MAP3K1: variants seen among roughly 807,000 people sequenced by gnomAD.
The protein encoded by MAP3K1 is mitogen-activated protein kinase kinase kinase 1.
MAP3K1 carries 36 observed loss-of-function variants against 144.2 expected under a neutral mutation model. The ratio of observed to expected loss-of-function variants is 0.25; its 90% confidence interval spans 0.19 to 0.33. The LOEUF (loss-of-function observed/expected upper bound fraction) is 0.33, where lower values mean the gene tolerates loss of function less well. Among genes scored for constraint, MAP3K1 ranks in the 10% least tolerant of loss-of-function variants. The pLI is 1.00. For missense variants in MAP3K1, 1,650 were observed against 1,881.9 expected (o/e 0.88, Z 2.28); for synonymous variants, 718 against 688.7 (o/e 1.04, Z -0.67).
intron 1 of MAP3K1, among the ~76,000 whole-genome samples, chr5:56,830,365 C>A (rs887153278): frequency 1.3e-5 from 2 of 152,022 alleles, no homozygotes; most frequent in African/African-American, 4.8e-5. Flanking sequence ...CCCCAAGTTC[C>A]GTCTCTGTTT....
intron 1 of MAP3K1, among the ~76,000 whole-genome samples, chr5:56,843,373 T>C (rs182296995): frequency 9.9e-5 from 15 of 152,280 alleles, no homozygotes; most frequent in Admixed American, 9.8e-4. Flanking sequence ...AACACCACCA[T>C]CAGTGCTGAA....
Position 56,895,350 on chromosome 5 carries a change from CTTTCTT to C in MAP3K1, c.*1674_*1679del, listed in dbSNP as rs1454255865. ...GTATCTCTAAATGTGTTGTACTTGA[CTTTCTT>C]TTTTATTTTGTTTTTTTTTTTTTTT... is the stretch of plus-strand genomic sequence containing the variant. On this transcript the variant is annotated 3_prime_UTR_variant, in exon 20 of 20. Transcript: ENST00000399503. 3 of 205,300 alleles carry C rather than the reference CTTTCTT, an allele frequency of 1.5e-5. No homozygotes were observed. The highest frequency in any genetic ancestry group is 6.9e-5 in the Admixed American group (1 of 14,432). 12.7% of individuals were successfully genotyped at this position (205,300 alleles called of 1,614,324 possible).
rs772388222 is a variant in MAP3K1, at chr5:56,882,414, A to G, written c.3214A>G (p.Lys1072Glu). The G allele has an allele frequency of 8.1e-6, 13 of 1,614,124 alleles. No individual in the cohort carries two copies. The highest frequency in any genetic ancestry group is 1.3e-5 in the African/African-American group (1 of 75,072). Reference protein sequence around the residue: ...PSRPTPGNTSKQGDPSKNSMT... With the variant: ...PSRPTPGNTSEQGDPSKNSMT... ...TAGACCTACCCCAGGTAATACAAGT[A>G]AACAGGGAGATCCCTCAAAAAATAG... Residue 1072 changes from lysine (K) to glutamate (E), a missense_variant, in exon 14 of 20, where the codon AAA becomes GAA. Transcript: ENST00000399503.
At chr5:56,860,044 G>A in intron 3 of MAP3K1, 129 bp downstream of exon 3, 1 of 763,794 alleles carries the variant, frequency 1.3e-6, no homozygotes, top group South Asian at 1.6e-5. Context: ...CCCTGAGGAT[G>A]GGGGGGGTGG....
intron 1 of MAP3K1, among the ~76,000 whole-genome samples, chr5:56,833,756 T>C (rs1359517191): frequency 6.6e-6 from 1 of 152,194 alleles, no homozygotes; most frequent in Non-Finnish European, 1.5e-5. Context: ...AAGAATTAAT[T>C]ATTCTTGGTT....
intron 6 of MAP3K1, among the ~76,000 whole-genome samples, chr5:56,871,395 G>C (rs1477562474): frequency 2.6e-5 from 4 of 152,038 alleles, no homozygotes; most frequent in African/African-American, 9.7e-5. Flanking sequence ...AGAAGTCTAG[G>C]TGAAAGATTG....
At position 56,883,552 on chromosome 5, in the gene MAP3K1, C is replaced by A. The variant is rs2111951229; in HGVS notation, c.3692C>A (p.Thr1231Asn). ...QDTPETLPGH[T>N]KAKQPYREDT... The stretch of plus-strand genomic sequence containing the variant: ...ACACCAGAGACTCTACCAGGACATA[C>A]CAAAGCAAAACAACCGTATAGAGAA... Residue 1231 changes from threonine (T) to asparagine (N), a missense_variant, in exon 15 of 20, where the codon ACC becomes AAC. Physicochemically the swap from Thr to Asn is moderately conservative, Grantham distance 65. This residue lies in a region of MAP3K1 where 841 missense variants were observed against 886.5 expected (regional missense o/e 0.95). Transcript: ENST00000399503. 6.2e-7 allele frequency: 1 copy of A among 1,613,968 alleles called. No individual in the cohort carries two copies. The highest frequency in any genetic ancestry group is 8.5e-7 in the Non-Finnish European group (1 of 1,179,934).
intron 1 of MAP3K1, among the ~76,000 whole-genome samples, chr5:56,847,794 A>AT (rs1400038301): frequency 6.6e-6 from 1 of 152,160 alleles, no homozygotes; most frequent in Non-Finnish European, 1.5e-5. Flanking sequence ...TGCTCATAAT[A>AT]ATGCCCTGGT....
At chr5:56,821,313 A>G (rs567094735) in intron 1 of MAP3K1, among the ~76,000 whole-genome samples, 2 of 152,310 alleles carry the variant, frequency 1.3e-5, no homozygotes, top group South Asian at 4.1e-4. Context: ...GGGAATTGTT[A>G]AAACTCACCA....
At chr5:56,827,409 T>A (rs958873423) in intron 1 of MAP3K1, among the ~76,000 whole-genome samples, 2 of 152,228 alleles carry the variant, frequency 1.3e-5, no homozygotes, top group African/African-American at 4.8e-5. Context: ...GTCACAAATC[T>A]GGGAGCTGTG....
intron 1 of MAP3K1, among the ~76,000 whole-genome samples, chr5:56,834,561 T>G (rs562359456): frequency 1.3e-5 from 2 of 152,090 alleles, no homozygotes; most frequent in African/African-American, 4.8e-5. Flanking sequence ...TACAAAAAAT[T>G]AGCTGGGCAT....
intron 1 of MAP3K1, among the ~76,000 whole-genome samples, chr5:56,832,368 A>G (rs891085918): frequency 7.9e-5 from 12 of 152,198 alleles, no homozygotes; most frequent in Admixed American, 3.3e-4. Flanking sequence ...TCCAGCCTCA[A>G]TCATCCTAGT....
Position 56,881,174 on chromosome 5 carries a change from C to T in MAP3K1, c.2271C>T (p.Arg757=), listed in dbSNP as rs2111939153. 6.2e-7 allele frequency: 1 copy of T among 1,613,710 alleles called. No individual in the cohort carries two copies. Among genetic ancestry groups the T allele is most frequent in the East Asian group, 2.2e-5 (1 of 44,826 alleles). The stretch of plus-strand genomic sequence containing the variant: ...ACAATTGGCAAGAACTTCTTGGCCG[C>T]CTTTGTCTTATAGATAGACTGTTGT... ...ESNNWQELLG[R]LCLIDRLLLE... The change falls in exon 13 of 20, where the codon CGC becomes CGT. Residue 757 remains arginine, a synonymous_variant. Coordinates refer to ENST00000399503, the MANE Select transcript of MAP3K1 (RefSeq NM_005921.2).
At position 56,879,060 on chromosome 5, in the gene MAP3K1, A is replaced by C; in HGVS notation, c.2046A>C (p.Pro682=). The C allele has an allele frequency of 6.2e-7, 1 of 1,613,960 alleles. No homozygotes were observed. The highest frequency in any genetic ancestry group is 8.5e-7 in the Non-Finnish European group (1 of 1,179,854). The change falls in exon 11 of 20, where the codon CCA becomes CCC. Residue 682 remains proline, a synonymous_variant. Transcript: ENST00000399503. ...ERIKLQRLLQ[P]VVDTILVKCA... is the part of the protein sequence containing the mutation. ...TCAAACTTCAGAGACTTCTCCAGCC[A>C]GTTGTAGACACCATCCTAGTCAAAT... is the stretch of plus-strand genomic sequence containing the variant.
intron 11 of MAP3K1, among the ~76,000 whole-genome samples, chr5:56,879,346 C>G (rs1237820978): frequency 6.6e-6 from 1 of 152,172 alleles, no homozygotes; most frequent in Non-Finnish European, 1.5e-5. Context: ...TTGTGATTTA[C>G]TCTCTTTAGT....
At position 56,881,886 on chromosome 5, in the gene MAP3K1, A is replaced by G. The variant is rs137911818; in HGVS notation, c.2686A>G (p.Thr896Ala). 2 of 1,614,172 alleles carry G rather than the reference A, an allele frequency of 1.2e-6. No individual in the cohort carries two copies. The highest frequency in any genetic ancestry group is 1.1e-5 in the South Asian group (1 of 91,084). ...ATCTGTTCCCAACAACTATCTGGAA[A>G]CCACAGAGAACAGTTCCCCTGAGTG... ...QASVPNNYLE[T>A]TENSSPECTV... Residue 896 changes from threonine (T) to alanine (A), a missense_variant, in exon 14 of 20, where the codon ACC becomes GCC. Thr to Ala is a moderately conservative substitution (Grantham distance 58). Around this residue, in one of 6 missense-constraint regions of MAP3K1, gnomAD observed 841 missense variants for 886.5 expected, o/e 0.95. Transcript: ENST00000399503.
At chr5:56,843,832 A>G (rs1448212667) in intron 1 of MAP3K1, among the ~76,000 whole-genome samples, 1 of 152,204 alleles carries the variant, frequency 6.6e-6, no homozygotes, top group Admixed American at 6.5e-5. Flanking sequence ...CTTAAGTAGT[A>G]TTAAGACATT....
At chr5:56,852,873 G>A (rs1487041826) in intron 1 of MAP3K1, among the ~76,000 whole-genome samples, 3 of 151,866 alleles carry the variant, frequency 2.0e-5, no homozygotes, top group Non-Finnish European at 4.4e-5. Flanking sequence ...TATCTTAATT[G>A]GATGATAAAT....
intron 17 of MAP3K1, among the ~76,000 whole-genome samples, chr5:56,886,394 ACT>A (rs1464678727): frequency 1.2e-4 from 18 of 152,176 alleles, no homozygotes; most frequent in African/African-American, 4.3e-4. Flanking sequence ...ACAGAGTGAG[ACT>A]CTGTCTCAAA....
Sources: gnomAD v4.1 joint callset for allele counts (sites outside exome capture counted in the v4.1 genomes callset) on GRCh38, gnomAD v4.1.1 for gene constraint, gnomAD v4.1.1 regional missense constraint, MANE v1.5 for transcripts, NCBI Gene and HGNC (gene_info 2026-07-23, HGNC 2026-07-21) for gene names.